PCDHGB3: variants seen among roughly 807,000 people sequenced by gnomAD.
The protein encoded by PCDHGB3 is protocadherin gamma-B3.
Under a neutral mutation model 59.2 loss-of-function variants are expected in PCDHGB3, and 40 were observed. That is an observed-to-expected ratio of 0.68 (90% CI 0.52 to 0.88). The LOEUF is 0.88. Among genes scored for constraint, PCDHGB3 ranks in the 40% least tolerant of loss-of-function variants. The pLI is 0.00. For synonymous variants in PCDHGB3, 581 were observed against 503.6 expected (o/e 1.15, Z -2.06); for missense variants, 1,309 against 1,187.9 (o/e 1.10, Z -1.50).
rs1205353926 is a variant in PCDHGB3 at position 141,477,969 on chromosome 5, T to A, written c.2416-16838T>A. 6.2e-7 allele frequency: 1 copy of A among 1,613,962 alleles called. No homozygotes were observed. Among genetic ancestry groups the A allele is most frequent in the Non-Finnish European group, 8.5e-7 (1 of 1,180,032 alleles). ...CTCTTGGGATCCCCTAACCAGAGCC[T>A]TTTTGCCATAGGGCTGCACACTGGT... On this transcript the variant is annotated intron_variant, in intron 1 of 3. Coordinates refer to ENST00000576222, the MANE Select transcript of PCDHGB3 (RefSeq NM_018924.5). The surrounding 1 kb of genome is among the most constrained non-coding windows in gnomAD (Gnocchi z 4.9).
intron 1 of PCDHGB3, chr5:141,426,946 C>A (rs565370434): frequency 2.2e-6 from 1 of 456,786 alleles, no homozygotes; most frequent in South Asian, 1.5e-5. Flanking sequence ...CCAGTCCCAA[C>A]TGGCACTGCT....
At chr5:141,441,818 TG>T in intron 1 of PCDHGB3, 1 of 359,922 alleles carries the variant, frequency 2.8e-6, no homozygotes, top group Non-Finnish European at 5.5e-6. Flanking sequence ...ACCCCAGCTC[TG>T]GAGCGCAATG....
intron 1 of PCDHGB3, 134 bp from the exon 2 acceptor site, chr5:141,494,673 C>A: frequency 6.5e-7 from 1 of 1,542,992 alleles, no homozygotes; most frequent in South Asian, 1.2e-5. Flanking sequence ...GATGAGTCCA[C>A]CCCTGCCCCC....
At chr5:141,390,854 T>G (rs1366490028) in intron 1 of PCDHGB3, 1 of 157,616 alleles carries the variant, frequency 6.3e-6, no homozygotes, top group Non-Finnish European at 1.4e-5. Context: ...ATATGCAGTG[T>G]ACGCTGTGTG....
intron 1 of PCDHGB3, chr5:141,382,643 A>G (rs1179734699): frequency 2.5e-6 from 1 of 392,566 alleles, no homozygotes; most frequent in Non-Finnish European, 4.5e-6. Flanking sequence ...TGGTGCAGTA[A>G]CTTAGTAAGG....
At chr5:141,438,418 G>C (rs2097959406) in intron 1 of PCDHGB3, among the ~76,000 whole-genome samples, 1 of 151,534 alleles carries the variant, frequency 6.6e-6, no homozygotes, top group Admixed American at 6.6e-5. Flanking sequence ...ATTTCACACA[G>C]TAGTTTGTAC....
chr5:141,484,333 A>T (rs1019527273), intron 1 of PCDHGB3, among the ~76,000 whole-genome samples: 2 of 152,198 alleles, frequency 1.3e-5, no homozygotes, highest in Non-Finnish European at 2.9e-5. Flanking sequence ...CCTTGAAATC[A>T]ATGAATGGTA....
intron 1 of PCDHGB3, among the ~76,000 whole-genome samples, chr5:141,457,444 G>T (rs1253183319): frequency 6.6e-6 from 1 of 152,134 alleles, no homozygotes; most frequent in African/African-American, 2.4e-5. Context: ...AGCTGCAGAA[G>T]ATCACCACTT....
Position 141,493,788 on chromosome 5 carries a change from C to A in PCDHGB3, c.2416-1019C>A, listed in dbSNP as rs2099750132. On this transcript the variant is annotated intron_variant, in intron 1 of 3. Transcript: ENST00000576222. This position sits in a 1 kb window ranked among gnomAD's most constrained non-coding sequence, Gnocchi z 4.3. ...ACTGGCAGTTCCGGAGCTTCCTTCT[C>A]CCTGGAGTAATCTGAGATACTCACA... 6.6e-6 allele frequency among the ~76,000 whole-genome samples: 1 copy of A among 152,162 alleles called. No homozygotes were observed. The highest frequency in any genetic ancestry group is 1.5e-5 in the Non-Finnish European group (1 of 68,026).
At chr5:141,399,825 C>G (rs1439243162) in intron 1 of PCDHGB3, 14 of 1,613,060 alleles carry the variant, frequency 8.7e-6, no homozygotes, top group Non-Finnish European at 1.2e-5. Context: ...TGGGTCCCGA[C>G]GGCTCTGCGC....
chr5:141,389,588 C>T (rs2091837140), intron 1 of PCDHGB3: 3 of 1,613,150 alleles, frequency 1.9e-6, no homozygotes, highest in Non-Finnish European at 2.5e-6. Flanking sequence ...TGGGTCCCGA[C>T]GGCTCTGCGC....
chr5:141,442,298 G>A (rs934210433), intron 1 of PCDHGB3: 2 of 152,564 alleles, frequency 1.3e-5, no homozygotes, highest in African/African-American at 4.8e-5. Flanking sequence ...TCCTGTCTGA[G>A]TCTTTCCCAC....
chr5:141,417,828 A>G (rs1439385565), intron 1 of PCDHGB3: 1 of 1,521,792 alleles, frequency 6.6e-7, no homozygotes, highest in Non-Finnish European at 8.8e-7. Context: ...CCAACTGGAA[A>G]AGCGGGGACC....
chr5:141,510,398 G>A (rs2099880972), intron 3 of PCDHGB3, among the ~76,000 whole-genome samples: 1 of 152,064 alleles, frequency 6.6e-6, no homozygotes, highest in African/African-American at 2.4e-5. Flanking sequence ...CTTGGCAAAG[G>A]CTAGGGGCAT....
chr5:141,395,420 T>A, intron 1 of PCDHGB3: 1 of 771,734 alleles, frequency 1.3e-6, no homozygotes, highest in Non-Finnish European at 2.0e-6. Flanking sequence ...ATTGTTTCAT[T>A]TGCTTTTAAA....
At chr5:141,430,815 T>A in intron 1 of PCDHGB3, 1 of 1,535,252 alleles carries the variant, frequency 6.5e-7, no homozygotes, top group Non-Finnish European at 8.7e-7. Flanking sequence ...CTGGGAATCC[T>A]CCTGGGGACT....
chr5:141,408,526 T>C, intron 1 of PCDHGB3: 3 of 1,614,028 alleles, frequency 1.9e-6, no homozygotes, highest in Non-Finnish European at 2.5e-6. Flanking sequence ...AATTGGAAGC[T>C]GTGGTGGAAA....
chr5:141,485,172 C>T lies in PCDHGB3; in HGVS notation c.2416-9635C>T, dbSNP rs377648315. 3.9e-5 allele frequency: 62 copies of T among 1,610,044 alleles called. No individual in the cohort carries two copies. The highest frequency in any genetic ancestry group is 5.1e-5 in the Non-Finnish European group (60 of 1,176,944). On this transcript the variant is annotated intron_variant, in intron 1 of 3. Coordinates refer to ENST00000576222, the MANE Select transcript of PCDHGB3 (RefSeq NM_018924.5). The surrounding 1 kb of genome is among the most constrained non-coding windows in gnomAD (Gnocchi z 5.7). ...CAAGTAGAGAATTAGCGGGCGGCAGCAATGCTCCGCAAGGTGAGAAGCTGG... is the reference window on the plus strand; with the variant it reads ...CAAGTAGAGAATTAGCGGGCGGCAGTAATGCTCCGCAAGGTGAGAAGCTGG...
In PCDHGB3 at chr5:141,485,068, T is replaced by C; in HGVS notation, c.2416-9739T>C. On this transcript the variant is annotated intron_variant, in intron 1 of 3. Transcript: ENST00000576222. The surrounding 1 kb of genome is among the most constrained non-coding windows in gnomAD (Gnocchi z 5.7). ...GGCGCCGGCCGAACCGCGCCAGAGCTGGCGCGGGGAAAGGGAGATAGGTGT... is the reference window on the plus strand; with the variant it reads ...GGCGCCGGCCGAACCGCGCCAGAGCCGGCGCGGGGAAAGGGAGATAGGTGT... 1 of 896,972 alleles carries C rather than the reference T, an allele frequency of 1.1e-6. No homozygotes were observed. The highest frequency in any genetic ancestry group is 1.6e-5 in the South Asian group (1 of 61,812). The allele number at this position is 896,972 out of a possible 1,614,324, so 55.6% of individuals were successfully genotyped here. A position where few individuals can be genotyped will look rare whatever the true frequency, so the allele number is the denominator to read the frequency against.
Sources: gnomAD v4.1 joint callset for allele counts (sites outside exome capture counted in the v4.1 genomes callset) on GRCh38, gnomAD v4.1.1 for gene constraint, Gnocchi (gnomAD v3.1) non-coding constraint, MANE v1.5 for transcripts, NCBI Gene and HGNC (gene_info 2026-07-23, HGNC 2026-07-21) for gene names.